Variants in IMPG1 observed in about 807,000 individuals in gnomAD.
IMPG1 encodes the protein interphotoreceptor matrix proteoglycan 1.
Under a neutral mutation model 92.0 loss-of-function variants are expected in IMPG1, and 85 were observed. That is an observed-to-expected ratio of 0.92 (90% CI 0.78 to 1.11). IMPG1 has a LOEUF of 1.11. IMPG1 is among the 50% of genes least tolerant of loss of function. The pLI is 0.00. For synonymous variants in IMPG1, 367 were observed against 334.1 expected, an observed-to-expected ratio of 1.10 and a Z score of -1.08; for missense variants, 1,022 against 956.0, an observed-to-expected ratio of 1.07 and a Z score of -0.91.
chr6:76,000,483 C>T (rs1415846692), intron 12 of IMPG1, among the ~76,000 whole-genome samples: 1 of 151,892 alleles, frequency 6.6e-6, no homozygotes, highest in African/African-American at 2.4e-5. Context: ...GTCTGTAAAT[C>T]GCTATAAATC....
At chr6:75,950,418 T>A in intron 13 of IMPG1, 144 bp downstream of exon 13, 1 of 679,652 alleles carries the variant, frequency 1.5e-6, no homozygotes, top group Non-Finnish European at 2.4e-6. Context: ...CTCAAAATTC[T>A]AGTTGAATGT....
At chr6:75,950,460 C>T (rs1582061717) in intron 13 of IMPG1, 102 bp downstream of exon 13, 1 of 1,084,824 alleles carries the variant, frequency 9.2e-7, no homozygotes, top group Non-Finnish European at 1.3e-6. Flanking sequence ...CGGTTTGTTT[C>T]TACTAACACT....
chr6:75,966,264 T>TA (rs1404540627), intron 12 of IMPG1, among the ~76,000 whole-genome samples: 2 of 152,188 alleles, frequency 1.3e-5, no homozygotes, highest in Non-Finnish European at 2.9e-5. Context: ...TTTTATTTAT[T>TA]AAAAAACATT....
chr6:75,921,972 G>T lies in IMPG1; in HGVS notation c.*117C>A. ...GAAATATGGTGTGTGCTGATTCTCA[G>T]TGTTGACTGTATGTCTGGATTTTGA... On this transcript the variant is annotated 3_prime_UTR_variant, in exon 17 of 17. Coordinates refer to ENST00000369950, the MANE Select transcript of IMPG1 (RefSeq NM_001563.4). 4.7e-6 allele frequency: 3 copies of T among 642,470 alleles called. No homozygotes were observed. Among genetic ancestry groups the T allele is most frequent in the East Asian group, 2.9e-5 (1 of 34,830 alleles). The allele number at this position is 642,470 out of a possible 1,614,324, so 39.8% of individuals were successfully genotyped here.
rs568712344 is a variant in IMPG1, at chr6:75,987,915, G to T, written c.1291+15003C>A. On this transcript the variant is annotated intron_variant, in intron 12 of 16. Coordinates refer to ENST00000369950, the MANE Select transcript of IMPG1 (RefSeq NM_001563.4). The stretch of plus-strand genomic sequence containing the variant: ...ACCCACCTCGGCCTCCCAAAGTGCT[G>T]GGATTACAGGCGTGAGCCACCGCAC... Among the ~76,000 whole-genome samples, 42 of 152,226 alleles carry T rather than the reference G, an allele frequency of 2.8e-4. 1 individual carries two copies. Among genetic ancestry groups the T allele is most frequent in the African/African-American group, 9.6e-4 (40 of 41,534 alleles).
intron 14 of IMPG1, among the ~76,000 whole-genome samples, chr6:75,932,521 G>C (rs918134574): frequency 6.6e-6 from 1 of 152,204 alleles, no homozygotes; most frequent in Non-Finnish European, 1.5e-5. Flanking sequence ...TGGGGAGACA[G>C]AGCCATGGAA....
intron 12 of IMPG1, among the ~76,000 whole-genome samples, chr6:75,962,459 A>G (rs1168999250): frequency 6.6e-6 from 1 of 152,122 alleles, no homozygotes; most frequent in African/African-American, 2.4e-5. Context: ...CATAATTGAC[A>G]AATAAAAGGT....
At chr6:76,023,916 T>C (rs1783478372) in intron 5 of IMPG1, among the ~76,000 whole-genome samples, 1 of 152,170 alleles carries the variant, frequency 6.6e-6, no homozygotes, top group South Asian at 2.1e-4. Context: ...TGTTTTCCCA[T>C]ATTAAAATGA....
At chr6:76,061,424 CA>C (rs1388578025) in intron 1 of IMPG1, among the ~76,000 whole-genome samples, 1 of 152,188 alleles carries the variant, frequency 6.6e-6, no homozygotes, top group Non-Finnish European at 1.5e-5. Flanking sequence ...GCAGCTATCT[CA>C]GGTATGTTCT....
Position 75,922,646 on chromosome 6 carries a change from T to C in IMPG1, c.2317-480A>G, listed in dbSNP as rs1781449177. The stretch of plus-strand genomic sequence containing the variant: ...TTCCTTTTATTTATTTGAAATGTGA[T>C]CCATAATTCTATCTGGTACTTCGGG... On this transcript the variant is annotated intron_variant, in intron 16 of 16. Coordinates refer to ENST00000369950, the MANE Select transcript of IMPG1 (RefSeq NM_001563.4). 2.0e-5 allele frequency among the ~76,000 whole-genome samples: 3 copies of C among 152,210 alleles called. 1 individual carries two copies. The highest frequency in any genetic ancestry group is 7.2e-5 in the African/African-American group (3 of 41,470).
intron 14 of IMPG1, among the ~76,000 whole-genome samples, chr6:75,935,518 G>T (rs1781730649): frequency 6.6e-6 from 1 of 152,208 alleles, no homozygotes; most frequent in African/African-American, 2.4e-5. Flanking sequence ...CCTGCTGGCT[G>T]CTGCGGGCAG....
intron 2 of IMPG1, among the ~76,000 whole-genome samples, chr6:76,038,115 G>T (rs1297708363): frequency 6.6e-6 from 1 of 152,140 alleles, no homozygotes; most frequent in South Asian, 2.1e-4. Flanking sequence ...CAGTTATGCA[G>T]AGATTTCTGC....
intron 12 of IMPG1, among the ~76,000 whole-genome samples, chr6:75,953,456 T>G (rs1166540982): frequency 1.1e-4 from 17 of 151,864 alleles, no homozygotes; most frequent in Non-Finnish European, 1.5e-5. Flanking sequence ...GATGTTCCCC[T>G]CCATGTGTTC....
At chr6:76,025,962 G>A (rs556183358) in intron 4 of IMPG1, among the ~76,000 whole-genome samples, 2 of 152,216 alleles carry the variant, frequency 1.3e-5, no homozygotes, top group Non-Finnish European at 2.9e-5. Flanking sequence ...GGTGGGAGGA[G>A]GTCCCCCCAA....
At chr6:75,992,660 C>T (rs1006661589) in intron 12 of IMPG1, among the ~76,000 whole-genome samples, 1 of 151,960 alleles carries the variant, frequency 6.6e-6, no homozygotes, top group African/African-American at 2.4e-5. Context: ...TTCATTACCA[C>T]CTTCATTTTC....
At chr6:76,004,289 A>G (rs935330682) in intron 10 of IMPG1, among the ~76,000 whole-genome samples, 1 of 152,200 alleles carries the variant, frequency 6.6e-6, no homozygotes, top group Non-Finnish European at 1.5e-5. Context: ...ATAAGAAACA[A>G]AATGACTAGA....
At chr6:76,029,956 T>G (rs1157525669) in intron 4 of IMPG1, among the ~76,000 whole-genome samples, 6 of 151,790 alleles carry the variant, frequency 4.0e-5, no homozygotes, top group Non-Finnish European at 8.8e-5. Context: ...CAAACTCAAT[T>G]CCAAGCTTTA....
chr6:76,063,109 C>G (rs1784235369), intron 1 of IMPG1, among the ~76,000 whole-genome samples: 1 of 151,950 alleles, frequency 6.6e-6, no homozygotes, highest in Non-Finnish European at 1.5e-5. Flanking sequence ...GAGGCTGAGG[C>G]AGGCGAATCG....
chr6:76,021,100 A>C (rs932359188), intron 6 of IMPG1, among the ~76,000 whole-genome samples: 3 of 152,308 alleles, frequency 2.0e-5, no homozygotes, highest in Middle Eastern at 3.4e-3. Flanking sequence ...TATTGTCTCT[A>C]AGGGCAGCCA....
Sources: allele counts gnomAD v4.1 joint callset (sites outside exome capture counted in the v4.1 genomes callset), GRCh38; gene constraint gnomAD v4.1.1; transcripts MANE v1.5; gene names NCBI Gene and HGNC (gene_info 2026-07-23, HGNC 2026-07-21).